The following BTBD10 variants were observed in gnomAD, a reference collection of about 807,000 sequenced individuals.
BTBD10 encodes BTB domain containing 10.
Under a neutral mutation model 53.2 loss-of-function variants are expected in BTBD10, and 21 were observed. The observed-to-expected ratio is 0.39, with a 90% confidence interval of 0.28 to 0.57. The LOEUF (loss-of-function observed/expected upper bound fraction) is 0.57. Among genes scored for constraint, BTBD10 ranks in the 20% least tolerant of loss-of-function variants. BTBD10 has a pLI of 0.53. For missense variants in BTBD10, 360 were observed against 594.7 expected, an observed-to-expected ratio of 0.61 and a Z score of 4.10; for synonymous variants, 149 against 192.7, an observed-to-expected ratio of 0.77 and a Z score of 1.88.
At chr11:13,399,131 C>T (rs1949641655) in intron 8 of BTBD10, among the ~76,000 whole-genome samples, 1 of 152,152 alleles carries the variant, frequency 6.6e-6, no homozygotes, top group African/African-American at 2.4e-5. Context: ...GGATAATATC[C>T]TGCAGAGTGT....
At chr11:13,455,226 A>C (rs1463581687) in intron 1 of BTBD10, among the ~76,000 whole-genome samples, 1 of 152,148 alleles carries the variant, frequency 6.6e-6, no homozygotes, top group Non-Finnish European at 1.5e-5. Flanking sequence ...TTGTCCACTT[A>C]AAGGGTGATC....
chr11:13,444,906 C>T (rs767265589), intron 2 of BTBD10, 118 bp downstream of exon 2: 27 of 592,890 alleles, frequency 4.6e-5, no homozygotes, highest in Non-Finnish European at 6.1e-5. Context: ...ACATTCACAA[C>T]GTTTTGTAAA....
rs1265694924 is a variant in BTBD10 at position 13,437,442 on chromosome 11, T to C, written c.101+7582A>G. ...CAACAACTCAGCCTCAAAAATTATT[T>C]TGGAACATTTAGTATATTACCCAAA... is the stretch of plus-strand genomic sequence containing the variant. On this transcript the variant is annotated intron_variant, in intron 2 of 8. Transcript: ENST00000278174. 3.9e-5 allele frequency among the ~76,000 whole-genome samples: 6 copies of C among 152,344 alleles called. No individual in the cohort carries two copies. The East Asian group carries it at 5.8e-4, about 15-fold the overall frequency.
chr11:13,400,665 G>A (rs1267571716), intron 8 of BTBD10, among the ~76,000 whole-genome samples: 1 of 147,470 alleles, frequency 6.8e-6, no homozygotes, highest in Admixed American at 6.9e-5. Flanking sequence ...GACTGGAGCT[G>A]TTCCTATTCG....
chr11:13,413,643 T>C lies in BTBD10; in HGVS notation c.695A>G (p.Tyr232Cys). ...AGGACAACGGATTATTCCTGTTTTA[T>C]AGTAATCCTGGAAAAAGAAAAGTAA... ...STVFRAILDY[Y>C]KTGIIRCPDG... Residue 232 changes from tyrosine to cysteine, a missense_variant, in exon 6 of 9, where the codon TAT (tyrosine) becomes TGT (cysteine). Coordinates refer to ENST00000278174, the MANE Select transcript of BTBD10 (RefSeq NM_032320.7). The C allele has an allele frequency of 6.2e-7, 1 of 1,607,288 alleles. No individual in the cohort carries two copies. The highest frequency in any genetic ancestry group is 8.5e-7 in the Non-Finnish European group (1 of 1,177,360).
At chr11:13,413,191 C>A (rs1292500220) in intron 6 of BTBD10, among the ~76,000 whole-genome samples, 1 of 151,950 alleles carries the variant, frequency 6.6e-6, no homozygotes, top group Non-Finnish European at 1.5e-5. Context: ...ATGATGTAAT[C>A]AAAGAAATGC....
At chr11:13,436,948 A>C (rs1407058479) in intron 2 of BTBD10, among the ~76,000 whole-genome samples, 1 of 152,000 alleles carries the variant, frequency 6.6e-6, no homozygotes, top group African/African-American at 2.4e-5. Context: ...ATGCCCAGCT[A>C]ATTTTTGTAA....
At chr11:13,422,282 C>T (rs1019986984) in intron 2 of BTBD10, among the ~76,000 whole-genome samples, 3 of 152,228 alleles carry the variant, frequency 2.0e-5, no homozygotes, top group African/African-American at 7.2e-5. Context: ...AGTCTACATG[C>T]TAACTTCAAT....
rs545633393 is a variant in BTBD10, at chr11:13,429,050, T to C, written c.102-7212A>G. Among the ~76,000 whole-genome samples the C allele has an allele frequency of 5.3e-5, 8 of 151,438 alleles. No homozygotes were observed. In the East Asian group the frequency reaches 1.4e-3, roughly 26 times the overall value. On this transcript the variant is annotated intron_variant, in intron 2 of 8. Coordinates refer to ENST00000278174, the MANE Select transcript of BTBD10 (RefSeq NM_032320.7). Reference sequence around the variant, plus strand: ...AACCTGAAATACTTAGGGATAAATATGACAAAAGATGTGAAAAACTCACAC... The same window carrying C: ...AACCTGAAATACTTAGGGATAAATACGACAAAAGATGTGAAAAACTCACAC...
intron 4 of BTBD10, 93 bp from the exon 5 acceptor site, chr11:13,417,353 T>C (rs1950139312): frequency 5.9e-6 from 5 of 846,120 alleles, no homozygotes; most frequent in South Asian, 2.4e-5. Flanking sequence ...AGGAATTATA[T>C]CATTAAATTT....
chr11:13,446,159 A>G (rs1211823279), intron 1 of BTBD10, among the ~76,000 whole-genome samples: 1 of 152,216 alleles, frequency 6.6e-6, no homozygotes, highest in East Asian at 1.9e-4. Flanking sequence ...TAAACAATTT[A>G]AACAAAGCTA....
chr11:13,396,639 C>T (rs879557691), intron 8 of BTBD10, among the ~76,000 whole-genome samples: 1 of 152,162 alleles, frequency 6.6e-6, no homozygotes, highest in Non-Finnish European at 1.5e-5. Flanking sequence ...GGGAATGCTT[C>T]CAGTTTTTGC....
At chr11:13,447,370 C>T in intron 1 of BTBD10, among the ~76,000 whole-genome samples, 1 of 152,310 alleles carries the variant, frequency 6.6e-6, no homozygotes, top group Admixed American at 6.5e-5. Flanking sequence ...GATCCTCCCA[C>T]TTCAGCCTCC....
intron 7 of BTBD10, chr11:13,404,592 T>G: frequency 3.1e-6 from 3 of 983,568 alleles, no homozygotes; most frequent in Non-Finnish European, 3.6e-6. Flanking sequence ...TCACTTTTCT[T>G]GGGTTTTGTT....
intron 8 of BTBD10, among the ~76,000 whole-genome samples, chr11:13,394,359 T>A (rs1258046230): frequency 1.3e-5 from 2 of 152,196 alleles, no homozygotes; most frequent in East Asian, 3.9e-4. Flanking sequence ...TTTAAAAGTA[T>A]GTGGCAGTTC....
chr11:13,397,330 G>A (rs1949580776), intron 8 of BTBD10, among the ~76,000 whole-genome samples: 1 of 152,212 alleles, frequency 6.6e-6, no homozygotes, highest in Non-Finnish European at 1.5e-5. Flanking sequence ...TATTTGCATA[G>A]AGGTGTTTAT....
At position 13,403,168 on chromosome 11, in the gene BTBD10, C is replaced by T; in HGVS notation, c.1117G>A (p.Gly373Ser). 2.0e-6 allele frequency: 3 copies of T among 1,471,554 alleles called. No homozygotes were observed. Among genetic ancestry groups the T allele is most frequent in the Non-Finnish European group, 2.7e-6 (3 of 1,092,152 alleles). The allele number at this position is 1,471,554 out of a possible 1,614,324, so 91.2% of individuals were successfully genotyped here. Reference protein sequence around the residue: ...GLKKIRLGIEGYPTYKEKVKK... With the variant: ...GLKKIRLGIESYPTYKEKVKK... ...ATAGAAAATAATGAAAATGTCTTAC[C>T]TTCTATTCCCAATCTAATCTTCTTA... Residue 373 changes from glycine (G) to serine (S), a missense_variant and splice_region_variant, in exon 8 of 9, where the codon GGT (glycine) becomes AGT (serine). Coordinates refer to ENST00000278174, the MANE Select transcript of BTBD10 (RefSeq NM_032320.7).
In BTBD10 at chr11:13,388,666, A is replaced by G. The variant is rs1425310854; in HGVS notation, c.*165T>C. 63 of 690,508 alleles carry G rather than the reference A, an allele frequency of 9.1e-5. No individual in the cohort carries two copies. The East Asian group carries it at 1.7e-3, about 19-fold the overall frequency. The allele number at this position is 690,508 out of a possible 1,614,324, so 42.8% of individuals were successfully genotyped here. On this transcript the variant is annotated 3_prime_UTR_variant, in exon 9 of 9. Coordinates refer to ENST00000278174, the MANE Select transcript of BTBD10 (RefSeq NM_032320.7). The stretch of plus-strand genomic sequence containing the variant: ...TGCTAGAGTTGTACTCATTTAAAAA[A>G]AAACCATTCAGCTACCTTTGGTCTT...
At chr11:13,439,297 T>C (rs776389587) in intron 2 of BTBD10, among the ~76,000 whole-genome samples, 3 of 152,080 alleles carry the variant, frequency 2.0e-5, no homozygotes, top group Non-Finnish European at 2.9e-5. Context: ...TTTAGAAATT[T>C]TGTCTGGTTG....
Sources: allele counts gnomAD v4.1 joint callset (sites outside exome capture counted in the v4.1 genomes callset), GRCh38; gene constraint gnomAD v4.1.1; transcripts MANE v1.5; gene names NCBI Gene and HGNC (gene_info 2026-07-23, HGNC 2026-07-21).